DTNA: variants seen among roughly 807,000 people sequenced by gnomAD.
DTNA encodes the protein dystrobrevin alpha.
DTNA carries 43 observed loss-of-function variants against 100.7 expected under a neutral mutation model. The ratio of observed to expected loss-of-function variants is 0.43; its 90% confidence interval spans 0.33 to 0.55. DTNA has a LOEUF of 0.55. DTNA is among the 20% of genes least tolerant of loss of function. DTNA has a pLI of 0.04. For synonymous variants in DTNA, 349 were observed against 347.9 expected, an observed-to-expected ratio of 1.00 and a Z score of -0.04; for missense variants, 798 against 953.9, an observed-to-expected ratio of 0.84 and a Z score of 2.15.
At chr18:34,742,005 G>A (rs2090736416) in intron 1 of DTNA, among the ~76,000 whole-genome samples, 2 of 152,080 alleles carry the variant, frequency 1.3e-5, no homozygotes, top group Middle Eastern at 3.2e-3. Context: ...CAACTAACTT[G>A]AAGATAAAAT....
chr18:34,563,350 C>A (rs1405722020), intron 1 of DTNA, among the ~76,000 whole-genome samples: 1 of 152,200 alleles, frequency 6.6e-6, no homozygotes, highest in Non-Finnish European at 1.5e-5. Context: ...TGAACAGTTT[C>A]TCTTCCAGGG....
chr18:34,496,572 T>A (rs2039257243), intron 1 of DTNA, among the ~76,000 whole-genome samples: 3 of 152,178 alleles, frequency 2.0e-5, no homozygotes, highest in Admixed American at 2.0e-4. Flanking sequence ...TGCTTCTGCT[T>A]CTACAGAGCC....
Position 34,881,014 on chromosome 18 carries a change from G to T in DTNA, c.2163-1055G>T, listed in dbSNP as rs1457172832. Among the ~76,000 whole-genome samples, 5 of 152,260 alleles carry T rather than the reference G, an allele frequency of 3.3e-5. No individual in the cohort carries two copies. In the South Asian group the frequency reaches 1.0e-3, roughly 32 times the overall value. ...AAGACTATTGAGGCCACCCTAATCT[G>T]CTAGCCCTGGTATGCTGAGTAGCAG... On this transcript the variant is annotated intron_variant, in intron 20 of 22. Transcript: ENST00000444659.
chr18:34,849,255 G>A (rs1287863662), intron 14 of DTNA, among the ~76,000 whole-genome samples: 1 of 152,170 alleles, frequency 6.6e-6, no homozygotes, highest in Non-Finnish European at 1.5e-5. Context: ...TATAGAATCA[G>A]CTGAGAATAC....
chr18:34,696,410 T>G (rs894721506), intron 1 of DTNA, among the ~76,000 whole-genome samples: 4 of 151,918 alleles, frequency 2.6e-5, no homozygotes, highest in African/African-American at 9.7e-5. Flanking sequence ...AACCCCCGTC[T>G]CTACTAAAAA....
chr18:34,753,366 ATTTTTTTTTTTTTTTT>A (rs2092507152), intron 1 of DTNA, among the ~76,000 whole-genome samples: 3 of 133,150 alleles, frequency 2.3e-5, no homozygotes, highest in Admixed American at 7.2e-5. Flanking sequence ...TATTTATTTT[ATTTTTTTTTTTTTTTT>A]ATTTTTTATT....
intron 13 of DTNA, among the ~76,000 whole-genome samples, chr18:34,841,896 G>A (rs754378431): frequency 4.6e-5 from 7 of 152,122 alleles, no homozygotes; most frequent in Non-Finnish European, 8.8e-5. Context: ...TGACTTATTT[G>A]TAATAGTTTG....
chr18:34,662,086 G>C (rs1252643744), intron 1 of DTNA, among the ~76,000 whole-genome samples: 1 of 149,478 alleles, frequency 6.7e-6, no homozygotes, highest in East Asian at 2.0e-4. Flanking sequence ...AATGTAAGCT[G>C]TTACTTATTA....
chr18:34,829,058 G>A (rs763586174), intron 10 of DTNA: 1 of 1,614,078 alleles, frequency 6.2e-7, no homozygotes, highest in Admixed American at 1.7e-5. Flanking sequence ...GGTGCTTTTG[G>A]TGGATGCGTC....
chr18:34,731,685 T>C (rs1056386986), intron 1 of DTNA, among the ~76,000 whole-genome samples: 1 of 152,240 alleles, frequency 6.6e-6, no homozygotes, highest in African/African-American at 2.4e-5. Flanking sequence ...TAATCATCTC[T>C]TAATGTATGT....
At chr18:34,695,563 G>A (rs1244167730) in intron 1 of DTNA, among the ~76,000 whole-genome samples, 1 of 152,178 alleles carries the variant, frequency 6.6e-6, no homozygotes, top group Non-Finnish European at 1.5e-5. Context: ...ATTGACATTA[G>A]TTTCAGCTGG....
intron 17 of DTNA, among the ~76,000 whole-genome samples, chr18:34,874,999 G>A (rs544110644): frequency 1.2e-3 from 177 of 152,284 alleles, no homozygotes; most frequent in African/African-American, 4.0e-3. Flanking sequence ...ATACTGTAGA[G>A]CAATGCTGTA....
intron 1 of DTNA, among the ~76,000 whole-genome samples, chr18:34,539,234 A>G (rs909095440): frequency 1.3e-5 from 2 of 151,828 alleles, no homozygotes; most frequent in South Asian, 2.1e-4. Flanking sequence ...AATCAGTGAA[A>G]TTTTACTTCT....
At chr18:34,734,976 C>G (rs779485702) in intron 1 of DTNA, among the ~76,000 whole-genome samples, 2 of 152,158 alleles carry the variant, frequency 1.3e-5, no homozygotes, top group Non-Finnish European at 2.9e-5. Context: ...TTCTGTTCCT[C>G]TAGAACCACT....
intron 1 of DTNA, among the ~76,000 whole-genome samples, chr18:34,538,111 G>A (rs746467002): frequency 1.3e-5 from 2 of 151,988 alleles, no homozygotes; most frequent in East Asian, 1.9e-4. Flanking sequence ...TAAGAGCTAC[G>A]CTCCGCAAAA....
chr18:34,611,009 A>G (rs2054108128), intron 1 of DTNA, among the ~76,000 whole-genome samples: 1 of 152,232 alleles, frequency 6.6e-6, no homozygotes, highest in Non-Finnish European at 1.5e-5. Flanking sequence ...ATCTTGATAG[A>G]AAAGGCTAAG....
chr18:34,632,332 A>T (rs1203248203), intron 1 of DTNA, among the ~76,000 whole-genome samples: 1 of 152,098 alleles, frequency 6.6e-6, no homozygotes, highest in East Asian at 1.9e-4. Flanking sequence ...ATTTAAGGGG[A>T]GGATCATTTA....
chr18:34,591,028 A>G (rs2049665961), intron 1 of DTNA, among the ~76,000 whole-genome samples: 1 of 152,222 alleles, frequency 6.6e-6, no homozygotes, highest in African/African-American at 2.4e-5. Context: ...ATGTTGCACT[A>G]TAAAGAGTGG....
intron 2 of DTNA, among the ~76,000 whole-genome samples, chr18:34,756,330 A>C (rs2148236731): frequency 6.6e-6 from 1 of 152,348 alleles, no homozygotes; most frequent in East Asian, 1.9e-4. Context: ...ACAGTTGATA[A>C]ACACTATTTA....
Sources: gnomAD v4.1 joint callset for allele counts (sites outside exome capture counted in the v4.1 genomes callset) on GRCh38, gnomAD v4.1.1 for gene constraint, MANE v1.5 for transcripts, NCBI Gene and HGNC (gene_info 2026-07-23, HGNC 2026-07-21) for gene names.